BRD7: variants seen among roughly 807,000 people sequenced by gnomAD.
The protein encoded by BRD7 is bromodomain-containing protein 7.
BRD7 carries 15 observed loss-of-function variants against 82.1 expected under a neutral mutation model. The observed-to-expected ratio is 0.18, with a 90% CI of 0.12 to 0.28. The LOEUF is 0.28. Among genes scored for constraint, BRD7 ranks in the 10% least tolerant of loss-of-function variants. The pLI is 1.00. For synonymous variants in BRD7, 232 were observed against 266.9 expected, an observed-to-expected ratio of 0.87 and a Z score of 1.27; for missense variants, 638 against 779.9, an observed-to-expected ratio of 0.82 and a Z score of 2.17.
At position 50,359,168 on chromosome 16, in the gene BRD7, A is replaced by G. The variant is rs562281237; in HGVS notation, c.259-4246T>C. On this transcript the variant is annotated intron_variant, in intron 2 of 16. Coordinates refer to ENST00000394688, the MANE Select transcript of BRD7 (RefSeq NM_013263.5). ...ATTACACAGAAAAAACTAAGCAAAA[A>G]TATTAGTGCCATTTAACTTTAGGTA... 1.6e-4 allele frequency among the ~76,000 whole-genome samples: 24 copies of G among 152,374 alleles called. No individual in the cohort carries two copies. In the South Asian group the frequency reaches 4.8e-3, roughly 30 times the overall value.
rs180836351 is a variant in BRD7, at chr16:50,317,216, T to C, written c.*1995A>G. 2.9e-4 allele frequency: 44 copies of C among 151,754 alleles called. No homozygotes were observed. Among genetic ancestry groups the C allele is most frequent in the African/African-American group, 9.9e-4 (40 of 40,446 alleles). 9.4% of individuals were successfully genotyped at this position (151,754 alleles called of 1,614,324 possible). A position where few individuals can be genotyped will look rare whatever the true frequency, so the allele number is the denominator to read the frequency against. Reference sequence around the variant, plus strand: ...TGCACATAAGTGGAATCAGTATGAATAGAAGAACTTGCTGTATAAAGGAAT... The same window carrying C: ...TGCACATAAGTGGAATCAGTATGAACAGAAGAACTTGCTGTATAAAGGAAT... On this transcript the variant is annotated 3_prime_UTR_variant, in exon 17 of 17. Coordinates refer to ENST00000394688, the MANE Select transcript of BRD7 (RefSeq NM_013263.5).
chr16:50,362,219 A>G (rs901775251), intron 2 of BRD7, among the ~76,000 whole-genome samples: 6 of 152,184 alleles, frequency 3.9e-5, no homozygotes, highest in Non-Finnish European at 8.8e-5. Context: ...CCTCAGAACT[A>G]GAACCCTGCC....
chr16:50,368,518 CAG>C, intron 1 of BRD7: 1 of 734,018 alleles, frequency 1.4e-6, no homozygotes, highest in Middle Eastern at 4.0e-4. Context: ...GTCTCCCCAC[CAG>C]AGACCCACCG....
rs1488480910 is a variant in BRD7, at chr16:50,328,658, T to C, written c.1087+11A>G. ...GCATCAAGTTCATGCACAGTTTTAC[T>C]CTGATCCTACCTCCTACAATGGGAT... On this transcript the variant is annotated intron_variant, in intron 9 of 16. Transcript: ENST00000394688. 1 of 1,610,800 alleles carries C rather than the reference T, an allele frequency of 6.2e-7. No homozygotes were observed. Among genetic ancestry groups the C allele is most frequent in the South Asian group, 1.1e-5 (1 of 90,496 alleles).
At chr16:50,351,173 A>G (rs1341939904) in intron 4 of BRD7, among the ~76,000 whole-genome samples, 1 of 152,176 alleles carries the variant, frequency 6.6e-6, no homozygotes, top group Non-Finnish European at 1.5e-5. Context: ...GGCACTTGAC[A>G]TATTTTATAT....
chr16:50,341,965 CACAT>C (rs1377045626), intron 5 of BRD7, among the ~76,000 whole-genome samples: 1 of 149,220 alleles, frequency 6.7e-6, no homozygotes, highest in African/African-American at 2.4e-5. Flanking sequence ...CACACACACA[CACAT>C]TTTACTTCAA....
At chr16:50,336,772 G>A (rs963411243) in intron 6 of BRD7, among the ~76,000 whole-genome samples, 2 of 152,150 alleles carry the variant, frequency 1.3e-5, no homozygotes, top group African/African-American at 4.8e-5. Flanking sequence ...AACACGACAT[G>A]CACAAAATAA....
In BRD7 at chr16:50,326,165, T is replaced by C. The variant is rs1218661174; in HGVS notation, c.1195+119A>G. 21 of 813,432 alleles carry C rather than the reference T, an allele frequency of 2.6e-5. No individual in the cohort carries two copies. In the Admixed American group the frequency reaches 3.8e-4, roughly 15 times the overall value. 50.4% of individuals were successfully genotyped at this position (813,432 alleles called of 1,614,324 possible). On this transcript the variant is annotated intron_variant, in intron 10 of 16. Coordinates refer to ENST00000394688, the MANE Select transcript of BRD7 (RefSeq NM_013263.5). ...AAGTTAATAAAATAGCTAATTAATG[T>C]TGCAAAAATACCACCAAGATACTGG...
At chr16:50,365,528 G>C (rs1484626169) in intron 2 of BRD7, among the ~76,000 whole-genome samples, 1 of 152,144 alleles carries the variant, frequency 6.6e-6, no homozygotes, top group Non-Finnish European at 1.5e-5. Flanking sequence ...AAGAATTTGG[G>C]AGAGAGAGAC....
In BRD7 at chr16:50,368,900, G is replaced by A; in HGVS notation, c.-126C>T. The A allele has an allele frequency of 1.1e-5, 5 of 463,690 alleles. No homozygotes were observed. The highest frequency in any genetic ancestry group is 1.4e-5 in the Non-Finnish European group (5 of 353,458). The allele number at this position is 463,690 out of a possible 1,614,324, so 28.7% of individuals were successfully genotyped here. ...CGAGACCCCGCGCCGCGAGGCAGGGGGGCGGCGCGCGCCGGGCGGCGCGAT... is the reference window on the plus strand; with the variant it reads ...CGAGACCCCGCGCCGCGAGGCAGGGAGGCGGCGCGCGCCGGGCGGCGCGAT... On this transcript the variant is annotated 5_prime_UTR_variant, in exon 1 of 17. Coordinates refer to ENST00000394688, the MANE Select transcript of BRD7 (RefSeq NM_013263.5).
At chr16:50,343,182 T>C (rs2038141079) in intron 5 of BRD7, among the ~76,000 whole-genome samples, 2 of 152,284 alleles carry the variant, frequency 1.3e-5, no homozygotes, top group Admixed American at 1.3e-4. Context: ...GGTTTGGCTC[T>C]CTGTCCCCAC....
intron 11 of BRD7, 73 bp from the exon 12 acceptor site, chr16:50,323,771 T>C: frequency 2.8e-6 from 3 of 1,077,438 alleles, no homozygotes; most frequent in Non-Finnish European, 4.3e-6. Flanking sequence ...GAGCCAACTG[T>C]TTCCACTAGA....
chr16:50,337,022 T>C (rs2037829653), intron 6 of BRD7, among the ~76,000 whole-genome samples: 1 of 152,170 alleles, frequency 6.6e-6, no homozygotes, highest in Non-Finnish European at 1.5e-5. Flanking sequence ...ATGAGGTAAG[T>C]ACTACTATTA....
intron 5 of BRD7, among the ~76,000 whole-genome samples, chr16:50,341,642 C>CAAAAA (rs5816690): frequency 2.8e-5 from 3 of 106,172 alleles, no homozygotes; most frequent in African/African-American, 1.1e-4. Context: ...GACTCGGTCT[C>CAAAAA]AAAAAAAAAA....
At chr16:50,320,076 A>C in intron 15 of BRD7, 46 bp from the exon 16 acceptor site, 1 of 1,566,216 alleles carries the variant, frequency 6.4e-7, no homozygotes, top group South Asian at 1.2e-5. Context: ...TGGTTCCTTT[A>C]GATAGAGGCA....
At chr16:50,336,227 C>T (rs2037793018) in intron 6 of BRD7, among the ~76,000 whole-genome samples, 1 of 152,004 alleles carries the variant, frequency 6.6e-6, no homozygotes, top group African/African-American at 2.4e-5. Context: ...TCCATGTTTC[C>T]ACTATTATAA....
rs141426749 is a variant in BRD7 at position 50,332,085 on chromosome 16, A to C, written c.1011+1489T>G. The stretch of plus-strand genomic sequence containing the variant: ...CTTCTGGACATGGGCCTCGGCAAAG[A>C]ATTTTCTATGTTCTCAAAAGCAAAA... On this transcript the variant is annotated intron_variant, in intron 8 of 16. Coordinates refer to ENST00000394688, the MANE Select transcript of BRD7 (RefSeq NM_013263.5). 6.4e-3 allele frequency among the ~76,000 whole-genome samples: 974 copies of C among 152,290 alleles called. 14 individuals carry two copies. Among genetic ancestry groups the C allele is most frequent in the African/African-American group, 0.022 (914 of 41,550 alleles).
intron 2 of BRD7, among the ~76,000 whole-genome samples, chr16:50,360,524 G>T (rs565663876): frequency 1.7e-4 from 26 of 152,312 alleles, no homozygotes; most frequent in Non-Finnish European, 3.4e-4. Flanking sequence ...GCTCTATGAT[G>T]CTTTCCCCTA....
chr16:50,327,775 G>A (rs2037401057), intron 9 of BRD7, among the ~76,000 whole-genome samples: 1 of 152,030 alleles, frequency 6.6e-6, no homozygotes. Context: ...CACCTGCATA[G>A]TACTGATTAA....
Sources: gnomAD v4.1 joint callset for allele counts (sites outside exome capture counted in the v4.1 genomes callset) on GRCh38, gnomAD v4.1.1 for gene constraint, MANE v1.5 for transcripts, NCBI Gene and HGNC (gene_info 2026-07-23, HGNC 2026-07-21) for gene names.